Variants in DLG2 observed in about 807,000 individuals in gnomAD.
The protein encoded by DLG2 is disks large homolog 2.
DLG2 carries 45 observed loss-of-function variants against 132.5 expected under a neutral mutation model. The observed-to-expected ratio is 0.34, with a 90% CI of 0.27 to 0.44. DLG2 has a LOEUF of 0.44. Among genes scored for constraint, DLG2 ranks in the 20% least tolerant of loss-of-function variants. The pLI is 1.00. For missense variants in DLG2, 1,045 were observed against 1,196.9 expected (o/e 0.87, Z 1.87); for synonymous variants, 424 against 419.6 (o/e 1.01, Z -0.13).
chr11:84,910,011 AG>A (rs1430071586), intron 6 of DLG2, among the ~76,000 whole-genome samples: 2 of 152,206 alleles, frequency 1.3e-5, no homozygotes, highest in Non-Finnish European at 2.9e-5. Context: ...AGAATCACCT[AG>A]TGCTGTAAAA....
At chr11:83,868,509 T>TATATACATATGTGTGTGTATATATAC (rs2062821897) in intron 16 of DLG2, among the ~76,000 whole-genome samples, 3 of 152,212 alleles carry the variant, frequency 2.0e-5, no homozygotes, top group South Asian at 4.2e-4. Context: ...TATAAATACA[T>TATATACATATGTGTGTGTATATATAC]ATATACATAT....
chr11:84,031,455 G>T (rs1485300424), intron 11 of DLG2, among the ~76,000 whole-genome samples: 1 of 152,106 alleles, frequency 6.6e-6, no homozygotes, highest in East Asian at 1.9e-4. Flanking sequence ...TAAATGATCT[G>T]CCTGAGATTG....
At chr11:83,647,644 T>C (rs2068646034) in intron 18 of DLG2, 1 of 152,188 alleles carries the variant, frequency 6.6e-6, no homozygotes, top group African/African-American at 2.4e-5. Flanking sequence ...CATTTTCTAA[T>C]CAATCATCAG....
intron 11 of DLG2, among the ~76,000 whole-genome samples, chr11:84,001,633 C>A (rs548516003): frequency 6.6e-6 from 1 of 152,060 alleles, no homozygotes; most frequent in Admixed American, 6.6e-5. Flanking sequence ...CACATGACTG[C>A]AGAATACATT....
In DLG2 at chr11:84,317,385, C is replaced by A. The variant is rs996883974; in HGVS notation, c.520-66094G>T. 2.9e-6 allele frequency: 4 copies of A among 1,364,432 alleles called. No homozygotes were observed. In the East Asian group the frequency reaches 1.1e-4, roughly 39 times the overall value. 84.5% of individuals were successfully genotyped at this position (1,364,432 alleles called of 1,614,324 possible). On this transcript the variant is annotated intron_variant, in intron 7 of 27. Transcript: ENST00000376104. ...ATAGATGACTCAACTCACAGAGCAACTTGACAGTATCCCTGCTCTAGGCAG... is the reference window on the plus strand; with the variant it reads ...ATAGATGACTCAACTCACAGAGCAAATTGACAGTATCCCTGCTCTAGGCAG...
intron 3 of DLG2, among the ~76,000 whole-genome samples, chr11:85,427,637 G>T (rs1217444070): frequency 2.6e-5 from 4 of 152,130 alleles, no homozygotes; most frequent in African/African-American, 9.7e-5. Flanking sequence ...CACTAAACAT[G>T]GAAAGGAACA....
intron 20 of DLG2, among the ~76,000 whole-genome samples, chr11:83,538,158 A>G (rs558294025): frequency 3.9e-5 from 6 of 152,342 alleles, no homozygotes; most frequent in African/African-American, 1.4e-4. Context: ...TGCTACAAAG[A>G]TGATTATGAT....
At chr11:84,362,746 G>T (rs2098657211) in intron 7 of DLG2, among the ~76,000 whole-genome samples, 1 of 152,022 alleles carries the variant, frequency 6.6e-6, no homozygotes, top group African/African-American at 2.4e-5. Context: ...ACCTATGAGT[G>T]AGAATGTGCG....
intron 10 of DLG2, among the ~76,000 whole-genome samples, chr11:84,060,454 C>T (rs1455023280): frequency 6.6e-6 from 1 of 151,880 alleles, no homozygotes; most frequent in Non-Finnish European, 1.5e-5. Flanking sequence ...TTACAAAGTT[C>T]AAGGAGAACC....
At chr11:83,965,301 T>C (rs776429857) in intron 13 of DLG2, 23 bp downstream of exon 13, 2 of 1,588,722 alleles carry the variant, frequency 1.3e-6, no homozygotes, top group South Asian at 1.1e-5. Flanking sequence ...GGCATGCTAT[T>C]TGAAGATGAC....
chr11:83,628,211 T>C (rs1480107734), intron 19 of DLG2, among the ~76,000 whole-genome samples: 1 of 152,208 alleles, frequency 6.6e-6, no homozygotes, highest in Non-Finnish European at 1.5e-5. Context: ...AGAAGCTCTT[T>C]AGTTTAATTA....
chr11:83,579,655 G>T (rs2096936318), intron 19 of DLG2, among the ~76,000 whole-genome samples: 1 of 151,558 alleles, frequency 6.6e-6, no homozygotes. Context: ...AAATGAATTT[G>T]AAAAAAAATA....
intron 15 of DLG2, among the ~76,000 whole-genome samples, chr11:83,899,942 T>G (rs971546283): frequency 3.3e-5 from 5 of 152,190 alleles, no homozygotes; most frequent in Admixed American, 2.6e-4. Context: ...ACTGGTTGAA[T>G]GGCTTTGACA....
intron 3 of DLG2, among the ~76,000 whole-genome samples, chr11:85,413,631 AT>A (rs2089544461): frequency 6.6e-6 from 1 of 151,940 alleles, no homozygotes; most frequent in African/African-American, 2.4e-5. Context: ...TGGCTAGCCA[AT>A]TATTCCAGCA....
At chr11:85,246,467 G>A (rs899090971) in intron 4 of DLG2, among the ~76,000 whole-genome samples, 1 of 151,712 alleles carries the variant, frequency 6.6e-6, no homozygotes, top group Non-Finnish European at 1.5e-5. Context: ...TATGCTTAAT[G>A]TGAATTCCCA....
At chr11:83,770,746 T>C (rs189462988) in intron 18 of DLG2, among the ~76,000 whole-genome samples, 45 of 152,366 alleles carry the variant, frequency 3.0e-4, no homozygotes, top group African/African-American at 9.6e-4. Context: ...TTTTACTTTT[T>C]ATTTTTGGTT....
chr11:84,929,064 G>T (rs1297843823), intron 6 of DLG2, among the ~76,000 whole-genome samples: 2 of 134,544 alleles, frequency 1.5e-5, no homozygotes, highest in African/African-American at 2.8e-5. Context: ...TCTTGCCTCA[G>T]CTCACAAGTA....
At chr11:85,480,664 T>C (rs1270313453) in intron 3 of DLG2, among the ~76,000 whole-genome samples, 1 of 152,158 alleles carries the variant, frequency 6.6e-6, no homozygotes, top group East Asian at 1.9e-4. Context: ...CATTCAATAA[T>C]ATAAATTCTT....
At chr11:85,053,273 A>T (rs1286466638) in intron 6 of DLG2, among the ~76,000 whole-genome samples, 1 of 152,102 alleles carries the variant, frequency 6.6e-6, no homozygotes, top group African/African-American at 2.4e-5. Context: ...GGAGGAAAAA[A>T]ACACTAAAGA....
Sources: gnomAD v4.1 joint callset for allele counts (sites outside exome capture counted in the v4.1 genomes callset) on GRCh38, gnomAD v4.1.1 for gene constraint, MANE v1.5 for transcripts, NCBI Gene and HGNC (gene_info 2026-07-23, HGNC 2026-07-21) for gene names.